Variants in TGIF1 observed in about 807,000 individuals in gnomAD.
The protein encoded by TGIF1 is homeobox protein TGIF1.
TGIF1 carries 4 observed loss-of-function variants against 19.3 expected under a neutral mutation model. The observed-to-expected ratio is 0.21, with a 90% CI of 0.10 to 0.47. TGIF1 has a LOEUF of 0.47. Among genes scored for constraint, TGIF1 ranks in the 20% least tolerant of loss-of-function variants. The pLI, the probability that TGIF1 is intolerant of heterozygous loss-of-function variation, is 0.98. For synonymous variants in TGIF1, 122 were observed against 129.3 expected (o/e 0.94, Z 0.38); for missense variants, 275 against 341.4 (o/e 0.81, Z 1.53).
intron 1 of TGIF1, 92 bp downstream of exon 1, chr18:3,450,597 T>C (rs2082878687): frequency 1.9e-6 from 3 of 1,546,774 alleles, no homozygotes; most frequent in Non-Finnish European, 2.6e-6. Context: ...TTGGTGGACT[T>C]TTCCGCCCAG....
At chr18:3,420,426 A>T (rs1171549896) in intron 2 of TGIF1, among the ~76,000 whole-genome samples, 1 of 152,146 alleles carries the variant, frequency 6.6e-6, no homozygotes, top group Non-Finnish European at 1.5e-5. Flanking sequence ...AAAGAAAAAG[A>T]GTGGAAAACA....
rs778037110 is a variant in TGIF1, at chr18:3,451,542, A to C, written c.16+1037A>C. On this transcript the variant is annotated intron_variant, in intron 1 of 2. Coordinates refer to ENST00000343820, the MANE Select transcript of TGIF1 (RefSeq NM_003244.4). This position sits in a 1 kb window ranked among gnomAD's most constrained non-coding sequence, Gnocchi z 5.4. Reference sequence around the variant, plus strand: ...GTTAATCACTCGGGAAGCGGACGGGAGGGGCGGCGCTACTGCGCATGCCCG... The same window carrying C: ...GTTAATCACTCGGGAAGCGGACGGGCGGGGCGGCGCTACTGCGCATGCCCG... 384 of 837,164 alleles carry C rather than the reference A, an allele frequency of 4.6e-4. No homozygotes were observed. Among genetic ancestry groups the C allele is most frequent in the Middle Eastern group, 5.7e-4 (1 of 1,756 alleles). 51.9% of individuals were successfully genotyped at this position (837,164 alleles called of 1,614,324 possible).
intron 1 of TGIF1, chr18:3,415,592 C>G (rs1484368837): frequency 4.3e-6 from 1 of 232,930 alleles, no homozygotes; most frequent in Non-Finnish European, 9.2e-6. Flanking sequence ...CAGGAACATG[C>G]CCAACGCCTT....
intron 1 of TGIF1, 130 bp downstream of exon 1, chr18:3,450,635 G>GCT: frequency 2.0e-6 from 3 of 1,523,720 alleles, no homozygotes; most frequent in Non-Finnish European, 1.8e-6. Context: ...TGGCGGCCGT[G>GCT]CTCTTTGTTG....
At chr18:3,413,907 A>C (rs891317439) in intron 1 of TGIF1, among the ~76,000 whole-genome samples, 8 of 152,206 alleles carry the variant, frequency 5.3e-5, no homozygotes, top group Non-Finnish European at 8.8e-5. Flanking sequence ...GCCAAATGGC[A>C]GGCACTATGT....
intron 1 of TGIF1, chr18:3,453,691 A>G: frequency 2.0e-6 from 1 of 510,626 alleles, no homozygotes. Context: ...TGTCTCAAAA[A>G]AAAAAAAAAA....
chr18:3,432,123 CAAAA>C (rs751364681), intron 2 of TGIF1, among the ~76,000 whole-genome samples: 25 of 97,970 alleles, frequency 2.6e-4, no homozygotes, highest in East Asian at 8.2e-4. Context: ...ACAAAACTGT[CAAAA>C]AAAAAAAAAA....
chr18:3,457,351 C>T lies in TGIF1; in HGVS notation c.244-14C>T, dbSNP rs886064153. 11 of 1,613,702 alleles carry T rather than the reference C, an allele frequency of 6.8e-6. No individual in the cohort carries two copies. Among genetic ancestry groups the T allele is most frequent in the East Asian group, 2.2e-5 (1 of 44,890 alleles). On this transcript the variant is annotated splice_polypyrimidine_tract_variant and intron_variant, in intron 2 of 2. Transcript: ENST00000343820. The surrounding 1 kb of genome is among the most constrained non-coding windows in gnomAD (Gnocchi z 4.9). Reference sequence around the variant, plus strand: ...GAATGAGGAAAATGTTAAAGCGTACCGATATGATTTCAGGTCTGTAACTGG... The same window carrying T: ...GAATGAGGAAAATGTTAAAGCGTACTGATATGATTTCAGGTCTGTAACTGG...
intron 2 of TGIF1, among the ~76,000 whole-genome samples, chr18:3,438,441 G>C (rs919267510): frequency 1.3e-5 from 2 of 152,034 alleles, no homozygotes; most frequent in Non-Finnish European, 2.9e-5. Context: ...CAAACCTAAA[G>C]GTCAGAATGT....
chr18:3,453,915 G>C (rs2083078700), intron 1 of TGIF1: 1 of 855,202 alleles, frequency 1.2e-6, no homozygotes, highest in South Asian at 5.3e-5. Flanking sequence ...CAAAAGCGCT[G>C]TTACAATAGG....
chr18:3,422,890 C>T (rs979572232), intron 2 of TGIF1, among the ~76,000 whole-genome samples: 11 of 151,918 alleles, frequency 7.2e-5, no homozygotes, highest in South Asian at 2.1e-4. Flanking sequence ...GGGGTTTCAC[C>T]GTGTTATCCA....
At position 3,457,110 on chromosome 18, in the gene TGIF1, T is replaced by C; in HGVS notation, c.244-255T>C. On this transcript the variant is annotated intron_variant, in intron 2 of 2. Transcript: ENST00000343820. The surrounding 1 kb of genome is among the most constrained non-coding windows in gnomAD (Gnocchi z 4.9). ...CATTTGAGATTGTATGTCTTTTTCTTCGTCCTGAAAAGGTTTAAGTATGAA... is the reference window on the plus strand; with the variant it reads ...CATTTGAGATTGTATGTCTTTTTCTCCGTCCTGAAAAGGTTTAAGTATGAA... The C allele has an allele frequency of 1.7e-6, 1 of 584,710 alleles. No individual in the cohort carries two copies. Among genetic ancestry groups the C allele is most frequent in the South Asian group, 2.1e-5 (1 of 47,650 alleles). The allele number at this position is 584,710 out of a possible 1,614,324, so 36.2% of individuals were successfully genotyped here.
intron 2 of TGIF1, among the ~76,000 whole-genome samples, chr18:3,429,025 C>T (rs1292321226): frequency 1.3e-5 from 2 of 151,938 alleles, no homozygotes; most frequent in Non-Finnish European, 2.9e-5. Context: ...TGCACTCCAG[C>T]CTGGGTGACA....
At chr18:3,449,924 C>T, upstream of TGIF1, 1 of 986,082 alleles carries the variant, frequency 1.0e-6, no homozygotes, top group South Asian at 4.7e-5. Context: ...GTGCCCCCAC[C>T]GCCGGGCGAG....
At chr18:3,420,541 A>G (rs1333259269) in intron 2 of TGIF1, among the ~76,000 whole-genome samples, 2 of 152,236 alleles carry the variant, frequency 1.3e-5, no homozygotes, top group Admixed American at 6.5e-5. Flanking sequence ...TGATCTAAAT[A>G]CATTAATTAA....
chr18:3,423,551 G>A (rs1489094158), intron 2 of TGIF1, among the ~76,000 whole-genome samples: 1 of 151,986 alleles, frequency 6.6e-6, no homozygotes, highest in East Asian at 1.9e-4. Context: ...CTTGGTGTCG[G>A]GCGCCTGTGA....
intron 2 of TGIF1, among the ~76,000 whole-genome samples, chr18:3,431,187 C>T (rs2082542319): frequency 6.6e-6 from 1 of 152,212 alleles, no homozygotes; most frequent in Admixed American, 6.5e-5. Flanking sequence ...TGGCTCGCAC[C>T]TTTAATCCCA....
chr18:3,454,831 T>G (rs539213365), intron 1 of TGIF1, among the ~76,000 whole-genome samples: 1 of 152,326 alleles, frequency 6.6e-6, no homozygotes, highest in East Asian at 1.9e-4. Context: ...TTACTTTGTC[T>G]TTGGAGAGTT....
At chr18:3,436,647 C>T (rs555370490) in intron 2 of TGIF1, among the ~76,000 whole-genome samples, 6 of 151,600 alleles carry the variant, frequency 4.0e-5, no homozygotes, top group African/African-American at 1.5e-4. Context: ...GGTGAAAGCC[C>T]GTCTCTACTA....
Sources: allele counts gnomAD v4.1 joint callset (sites outside exome capture counted in the v4.1 genomes callset), GRCh38; gene constraint gnomAD v4.1.1; non-coding constraint Gnocchi (gnomAD v3.1); transcripts MANE v1.5; gene names NCBI Gene and HGNC (gene_info 2026-07-23, HGNC 2026-07-21).